Variants in PSG1 observed in about 807,000 individuals in gnomAD.
PSG1 encodes the protein pregnancy-specific beta-1-glycoprotein 1.
Under a neutral mutation model 41.4 loss-of-function variants are expected in PSG1, and 60 were observed. That is an observed-to-expected ratio of 1.45 (90% confidence interval 1.18 to 1.80). The LOEUF (loss-of-function observed/expected upper bound fraction) is 1.80. Among genes scored for constraint, PSG1 ranks in the 40% most tolerant of loss-of-function variants. The pLI is 0.00. For missense variants in PSG1, 806 were observed against 516.9 expected, an observed-to-expected ratio of 1.56 and a Z score of -5.42; for synonymous variants, 256 against 192.9, an observed-to-expected ratio of 1.33 and a Z score of -2.71.
rs764843676 is a variant in PSG1, at chr19:42,878,195, C to G, written c.148G>C (p.Asp50His). The G allele has an allele frequency of 6.2e-7, 1 of 1,612,112 alleles. No homozygotes were observed. The highest frequency in any genetic ancestry group is 1.1e-5 in the South Asian group (1 of 90,784). ...AAATTGTGGACAAGTAGAAGAACATCCTTCCCCTCGGAAACTTTGGTTGGC... is the reference window on the plus strand; with the variant it reads ...AAATTGTGGACAAGTAGAAGAACATGCTTCCCCTCGGAAACTTTGGTTGGC... ...AEPTKVSEGK[D>H]VLLLVHNLPQ... Residue 50 changes from aspartate (D) to histidine (H), a missense_variant, in exon 2 of 6, where the codon GAT (aspartate) becomes CAT (histidine). Physicochemically the swap from Asp to His is moderately conservative, Grantham distance 81 (BLOSUM62 -1). Transcript: ENST00000436291.
At position 42,876,163 on chromosome 19, in the gene PSG1, T is replaced by A. The variant is rs188346995; in HGVS notation, c.430+1750A>T. On this transcript the variant is annotated intron_variant, in intron 2 of 5. Coordinates refer to ENST00000436291, the MANE Select transcript of PSG1 (RefSeq NM_001184825.2). The stretch of plus-strand genomic sequence containing the variant: ...AAGGCCTAGAGGTGGAGGAAGAAGC[T>A]GTGCAGGACAGGGCTTGCCAGTCAG... Among the ~76,000 whole-genome samples the A allele has an allele frequency of 3.4e-3, 517 of 151,338 alleles. 8 individuals are homozygous for A. The highest frequency in any genetic ancestry group is 5.4e-3 in the Non-Finnish European group (366 of 67,758).
At position 42,867,260 on chromosome 19, in the gene PSG1, A is replaced by G; in HGVS notation, c.1244-110T>C. On this transcript the variant is annotated intron_variant, in intron 5 of 5. Transcript: ENST00000436291. ...AATTTTTCCCTCTATGGGCATCTCT[A>G]CTTTTACCAATGATAATTTCAGTAG... 2.1e-5 allele frequency: 15 copies of G among 722,972 alleles called. 1 individual carries two copies. In the South Asian group the frequency reaches 2.2e-4, roughly 11 times the overall value. 44.8% of individuals were successfully genotyped at this position (722,972 alleles called of 1,614,324 possible).
chr19:42,875,046 T>G (rs994261924), intron 2 of PSG1, among the ~76,000 whole-genome samples: 19 of 151,646 alleles, frequency 1.3e-4, no homozygotes, highest in African/African-American at 4.6e-4. Flanking sequence ...AATGAGCCCA[T>G]GGGGTTTGGG....
Position 42,867,014 on chromosome 19 carries a change from G to A in PSG1, c.*120C>T. The A allele has an allele frequency of 1.3e-6, 1 of 766,164 alleles. No homozygotes were observed. The highest frequency in any genetic ancestry group is 2.4e-6 in the Non-Finnish European group (1 of 417,386). 47.5% of individuals were successfully genotyped at this position (766,164 alleles called of 1,614,324 possible). Reference sequence around the variant, plus strand: ...AGTGGCTCATGCTTCACGTACAAGGGTTTTCCCATGAAATTTACATTGAGT... The same window carrying A: ...AGTGGCTCATGCTTCACGTACAAGGATTTTCCCATGAAATTTACATTGAGT... On this transcript the variant is annotated 3_prime_UTR_variant, in exon 6 of 6. Transcript: ENST00000436291.
intron 1 of PSG1, 126 bp downstream of exon 1, chr19:42,879,392 T>A (rs1971769688): frequency 7.0e-7 from 1 of 1,421,192 alleles, no homozygotes; most frequent in African/African-American, 1.4e-5. Context: ...GATCTCATGA[T>A]CCACCCACCT....
intron 3 of PSG1, chr19:42,870,454 C>T (rs1407710004): frequency 6.6e-6 from 1 of 151,446 alleles, no homozygotes; most frequent in Non-Finnish European, 1.5e-5. Flanking sequence ...TCCACAGTGG[C>T]CATGCTGCAC....
intron 3 of PSG1, 101 bp downstream of exon 3, chr19:42,871,666 A>G: frequency 6.2e-7 from 1 of 1,610,878 alleles, no homozygotes; most frequent in South Asian, 1.1e-5. Flanking sequence ...TCCAGGGGTA[A>G]AGGTCTCTGT....
chr19:42,868,319 G>T lies in PSG1; in HGVS notation c.1025C>A (p.Thr342Asn), dbSNP rs751927080. The T allele has an allele frequency of 1.2e-5, 20 of 1,611,710 alleles. No individual in the cohort carries two copies. In the East Asian group the frequency reaches 4.2e-4, roughly 34 times the overall value. ...GAGGACTTCTCCTGAACGGTAATAG[G>T]TGAATGAAGGGTAAATTCTGGGGAG... ...PDLPRIYPSF[T>N]YYRSGEVLYL... Residue 342 changes from threonine (T) to asparagine (N), a missense_variant, in exon 5 of 6, where the codon ACC (threonine) becomes AAC (asparagine). Physicochemically the swap from Thr to Asn is moderately conservative, Grantham distance 65 (BLOSUM62 0). Transcript: ENST00000436291.
At position 42,869,130 on chromosome 19, in the gene PSG1, C is replaced by G. The variant is rs180950020; in HGVS notation, c.710-96G>C. On this transcript the variant is annotated intron_variant, in intron 3 of 5. Coordinates refer to ENST00000436291, the MANE Select transcript of PSG1 (RefSeq NM_001184825.2). ...GAGTTGGCATCTCCCACCTCTCATT[C>G]CACCCGAGTCCTTGAAAGCCAATAG... is the stretch of plus-strand genomic sequence containing the variant. 685 of 1,556,788 alleles carry G rather than the reference C, an allele frequency of 4.4e-4. 12 individuals are homozygous for G. In the African/African-American group the frequency reaches 8.2e-3, roughly 19 times the overall value.
intron 2 of PSG1, chr19:42,874,273 C>T (rs1408134891): frequency 1.3e-5 from 2 of 151,740 alleles, no homozygotes; most frequent in Non-Finnish European, 2.9e-5. Context: ...GTTGACACAT[C>T]CTCAAGCTAG....
At chr19:42,869,421 C>T in intron 3 of PSG1, 1 of 301,156 alleles carries the variant, frequency 3.3e-6, no homozygotes, top group Non-Finnish European at 6.2e-6. Context: ...CCTACTTTGT[C>T]CCCCTAGATG....
intron 1 of PSG1, 161 bp from the exon 2 acceptor site, chr19:42,878,439 T>C (rs1256372336): frequency 3.4e-5 from 22 of 644,360 alleles, no homozygotes; most frequent in Non-Finnish European, 4.4e-5. Context: ...AAAAGCGGCA[T>C]GTGTGATTGT....
chr19:42,871,789 G>A lies in PSG1; in HGVS notation c.687C>T (p.Asp229=), dbSNP rs146995358. Residue 229 remains aspartate (D), a synonymous_variant, in exon 3 of 6, where the codon GAC becomes GAT. Transcript: ENST00000436291. ...IRNPVSASRS[D]PVTLNLLPKL... is the part of the protein sequence containing the mutation. ...CACGGAGGAGATTCAGGGTGACTGG[G>A]TCACTGCGGCTGGCACTCACTGGGT... 1.3e-5 allele frequency: 21 copies of A among 1,612,602 alleles called. 2 individuals are homozygous for A. In the South Asian group the frequency reaches 2.0e-4, roughly 15 times the overall value.
At position 42,877,994 on chromosome 19, in the gene PSG1, C is replaced by T. The variant is rs145276203; in HGVS notation, c.349G>A (p.Ala117Thr). Residue 117 changes from alanine (A) to threonine (T), a missense_variant, in exon 2 of 6, where the codon GCA becomes ACA. Coordinates refer to ENST00000436291, the MANE Select transcript of PSG1 (RefSeq NM_001184825.2). ...LLIQNVTRED[A>T]GSYTLHIIKG... is the part of the protein sequence containing the mutation. ...ATGATGTGTAAGGTGTAGGATCCTGCGTCCTCCCGGGTGACATTCTGGATC... is the reference window on the plus strand; with the variant it reads ...ATGATGTGTAAGGTGTAGGATCCTGTGTCCTCCCGGGTGACATTCTGGATC... 63 of 1,612,238 alleles carry T rather than the reference C, an allele frequency of 3.9e-5. 3 individuals are homozygous for T. Among genetic ancestry groups the T allele is most frequent in the Middle Eastern group, 1.6e-4 (1 of 6,082 alleles).
At chr19:42,873,943 A>G (rs1337657545) in intron 2 of PSG1, among the ~76,000 whole-genome samples, 1 of 151,580 alleles carries the variant, frequency 6.6e-6, no homozygotes, top group African/African-American at 2.4e-5. Flanking sequence ...GGAAGAGTCT[A>G]AGTGAGATGG....
chr19:42,870,239 A>T (rs1192559251), intron 3 of PSG1: 4 of 151,964 alleles, frequency 2.6e-5, no homozygotes, highest in African/African-American at 7.2e-5. Context: ...TGGATTTCTG[A>T]CATTTTTTGA....
rs187436216 is a variant in PSG1, at chr19:42,874,493, C to T, written c.431-2448G>A. 1.2e-3 allele frequency among the ~76,000 whole-genome samples: 175 copies of T among 151,634 alleles called. 3 individuals are homozygous for T. The highest frequency in any genetic ancestry group is 3.9e-3 in the African/African-American group (162 of 41,342). On this transcript the variant is annotated intron_variant, in intron 2 of 5. Coordinates refer to ENST00000436291, the MANE Select transcript of PSG1 (RefSeq NM_001184825.2). ...TCCCAAGTAGCTGGGACTACAGGGGCCCGCCACCATGCCTGGCTAATTTTT... is the reference window on the plus strand; with the variant it reads ...TCCCAAGTAGCTGGGACTACAGGGGTCCGCCACCATGCCTGGCTAATTTTT...
At chr19:42,873,934 G>T (rs940619600) in intron 2 of PSG1, among the ~76,000 whole-genome samples, 1 of 151,566 alleles carries the variant, frequency 6.6e-6, no homozygotes, top group African/African-American at 2.4e-5. Context: ...TGTGAATTAG[G>T]AAGAGTCTAA....
At chr19:42,867,270 A>G (rs778507035) in intron 5 of PSG1, 120 bp from the exon 6 acceptor site, 41 of 709,802 alleles carry the variant, frequency 5.8e-5, no homozygotes, top group Non-Finnish European at 1.0e-4. Context: ...ACTTTTACCA[A>G]TGATAATTTC....
Sources: gnomAD v4.1 joint callset for allele counts (sites outside exome capture counted in the v4.1 genomes callset) on GRCh38, gnomAD v4.1.1 for gene constraint, MANE v1.5 for transcripts, NCBI Gene and HGNC (gene_info 2026-07-23, HGNC 2026-07-21) for gene names.